The following FAM78B variants were observed in gnomAD, a reference collection of about 807,000 sequenced individuals.
The protein encoded by FAM78B is family with sequence similarity 78 member B.
A neutral mutation model predicts 20.0 loss-of-function variants in FAM78B; 10 were observed. That is an observed-to-expected ratio of 0.50 (90% CI 0.31 to 0.85). The LOEUF (loss-of-function observed/expected upper bound fraction) is 0.85, where lower values mean the gene tolerates loss of function less well. Among genes scored for constraint, FAM78B ranks in the 40% least tolerant of loss-of-function variants. The probability of loss-of-function intolerance (pLI) is 0.05; values close to 1 mark genes in which losing one functional copy is unlikely to be tolerated. For synonymous variants in FAM78B, 135 were observed against 132.8 expected, an observed-to-expected ratio of 1.02 and a Z score of -0.12; for missense variants, 283 against 345.0, an observed-to-expected ratio of 0.82 and a Z score of 1.42.
chr1:166,137,971 T>C (rs981014191), intron 1 of FAM78B, among the ~76,000 whole-genome samples: 27 of 152,290 alleles, frequency 1.8e-4, no homozygotes, highest in Admixed American at 4.6e-4. Flanking sequence ...ACAGAGCAGG[T>C]GGCTGGAGGC....
In FAM78B at chr1:166,070,033, T is replaced by C; in HGVS notation, c.*208A>G. 2 of 1,248,406 alleles carry C rather than the reference T, an allele frequency of 1.6e-6. No individual in the cohort carries two copies. The highest frequency in any genetic ancestry group is 2.0e-6 in the Non-Finnish European group (2 of 994,214). The allele number at this position is 1,248,406 out of a possible 1,614,324, so 77.3% of individuals were successfully genotyped here. A position where few individuals can be genotyped will look rare whatever the true frequency, so the allele number is the denominator to read the frequency against. On this transcript the variant is annotated 3_prime_UTR_variant, in exon 2 of 2. Transcript: ENST00000354422. ...CAGCAAGTCTGTCAAATCAGTGATT[T>C]CTTTATTCCTAAGAGGAAGGGATTT...
intron 1 of FAM78B, among the ~76,000 whole-genome samples, chr1:166,164,202 T>C (rs1369032470): frequency 2.0e-5 from 3 of 152,250 alleles, no homozygotes; most frequent in Non-Finnish European, 4.4e-5. Context: ...TGAGGCTGCT[T>C]CTGCACAGTC....
In FAM78B at chr1:166,100,762, G is replaced by C. The variant is rs1197414206; in HGVS notation, c.264-29999C>G. On this transcript the variant is annotated intron_variant, in intron 1 of 1. Coordinates refer to ENST00000354422, the MANE Select transcript of FAM78B (RefSeq NM_001017961.5). The stretch of plus-strand genomic sequence containing the variant: ...GCCTGCCTCTGTAGATTCCACCTCT[G>C]GGAGCAGGGCATAGCCAAACAAAAG... Among the ~76,000 whole-genome samples the C allele has an allele frequency of 3.3e-5, 5 of 152,360 alleles. No homozygotes were observed. The East Asian group carries it at 7.7e-4, about 24-fold the overall frequency.
chr1:166,166,211 A>C lies in FAM78B; in HGVS notation c.38T>G (p.Ile13Ser). 6 of 1,568,524 alleles carry C rather than the reference A, an allele frequency of 3.8e-6. No homozygotes were observed. Among genetic ancestry groups the C allele is most frequent in the Non-Finnish European group, 5.2e-6 (6 of 1,155,670 alleles). Residue 13 changes from isoleucine to serine, a missense_variant, in exon 1 of 2, where the codon ATC becomes AGC. Ile to Ser is a moderately radical substitution (Grantham distance 142). Coordinates refer to ENST00000354422, the MANE Select transcript of FAM78B (RefSeq NM_001017961.5). ...GTACACCACGATGTTCTCGCGCCGG[A>C]TCCGCGCCTTGCAGGTGATGCTTTG... ...CIQSITCKAR[I>S]RRENIVVYDV... is the part of the protein sequence containing the mutation.
rs986991987 is a variant in FAM78B at position 166,166,292 on chromosome 1, G to C, written c.-44C>G. ...CACGGCGCGGCGTGGGGCAGCGCGG[G>C]GGCCCGCGCGGGCAGCCGGGGGCGC... On this transcript the variant is annotated 5_prime_UTR_variant, in exon 1 of 2. Coordinates refer to ENST00000354422, the MANE Select transcript of FAM78B (RefSeq NM_001017961.5). 41 of 1,196,010 alleles carry C rather than the reference G, an allele frequency of 3.4e-5. No individual in the cohort carries two copies. The Admixed American group carries it at 8.1e-4, about 24-fold the overall frequency. The allele number at this position is 1,196,010 out of a possible 1,614,324, so 74.1% of individuals were successfully genotyped here.
At chr1:166,081,855 AGGT>A (rs982999338) in intron 1 of FAM78B, among the ~76,000 whole-genome samples, 3 of 152,208 alleles carry the variant, frequency 2.0e-5, no homozygotes, top group Non-Finnish European at 2.9e-5. Flanking sequence ...GCAGCATTCC[AGGT>A]GGCGAGCACA....
intron 1 of FAM78B, among the ~76,000 whole-genome samples, chr1:166,072,234 G>A (rs925697399): frequency 1.3e-5 from 2 of 152,116 alleles, no homozygotes; most frequent in African/African-American, 4.8e-5. Context: ...ACTAACCACT[G>A]CCTCCTACTG....
At chr1:166,115,425 G>A (rs1557905507) in intron 1 of FAM78B, among the ~76,000 whole-genome samples, 1 of 152,240 alleles carries the variant, frequency 6.6e-6, no homozygotes, top group Non-Finnish European at 1.5e-5. Flanking sequence ...TGACCAGAGA[G>A]TGCTTTGTGC....
chr1:166,097,212 T>C (rs535177287), intron 1 of FAM78B, among the ~76,000 whole-genome samples: 1 of 152,338 alleles, frequency 6.6e-6, no homozygotes, highest in South Asian at 2.1e-4. Context: ...AGAAAGGCCC[T>C]GGGAGCTTGC....
intron 1 of FAM78B, among the ~76,000 whole-genome samples, chr1:166,132,689 A>G (rs1036957382): frequency 6.6e-6 from 1 of 152,158 alleles, no homozygotes; most frequent in Non-Finnish European, 1.5e-5. Context: ...TCATGTTAGG[A>G]TGAAGTCACC....
rs983859776 is a variant in FAM78B at position 166,119,894 on chromosome 1, A to C, written c.263+46092T>G. On this transcript the variant is annotated intron_variant, in intron 1 of 1. Transcript: ENST00000354422. ...AGCTCAGACACACGCCTGAATTTCA[A>C]GGGTGACATTTCCAGCCACAAGAGG... is the stretch of plus-strand genomic sequence containing the variant. Among the ~76,000 whole-genome samples, 33 of 152,220 alleles carry C rather than the reference A, an allele frequency of 2.2e-4. 1 individual carries two copies. The highest frequency in any genetic ancestry group is 2.2e-3 in the Admixed American group (33 of 15,280).
intron 1 of FAM78B, 56 bp downstream of exon 1, chr1:166,165,930 G>A: frequency 5.0e-6 from 8 of 1,608,182 alleles, no homozygotes; most frequent in East Asian, 2.2e-5. Flanking sequence ...GGTCAAGGTG[G>A]CAAGCAGAGC....
intron 1 of FAM78B, among the ~76,000 whole-genome samples, chr1:166,132,481 T>C (rs2101780349): frequency 6.6e-6 from 1 of 152,314 alleles, no homozygotes; most frequent in South Asian, 2.1e-4. Context: ...GTGAGATGTT[T>C]GTGAAGTGCA....
chr1:166,085,953 A>C (rs1055377632), intron 1 of FAM78B, among the ~76,000 whole-genome samples: 1 of 152,178 alleles, frequency 6.6e-6, no homozygotes, highest in Non-Finnish European at 1.5e-5. Context: ...CAGGAATCTC[A>C]AATGTCAGGT....
chr1:166,137,013 G>T (rs1467028019), intron 1 of FAM78B, among the ~76,000 whole-genome samples: 3 of 152,190 alleles, frequency 2.0e-5, no homozygotes, highest in African/African-American at 7.2e-5. Context: ...AAGAGAAGGG[G>T]CCTGAACCTA....
At chr1:166,105,140 C>A (rs1190234996) in intron 1 of FAM78B, among the ~76,000 whole-genome samples, 2 of 152,162 alleles carry the variant, frequency 1.3e-5, no homozygotes, top group Non-Finnish European at 2.9e-5. Context: ...GCTGGGAAAA[C>A]TGGCTAGCCA....
At chr1:166,109,890 G>GTATATATGTATGTGTATATATATATATA (rs1557903394) in intron 1 of FAM78B, among the ~76,000 whole-genome samples, 2 of 23,192 alleles carry the variant, frequency 8.6e-5, no homozygotes, top group Non-Finnish European at 1.1e-4. Flanking sequence ...ATGTATATAT[G>GTATATATGTATGTGTATATATATATATA]TATATATATA....
rs1417265808 is a variant in FAM78B, at chr1:166,157,040, G to T, written c.263+8946C>A. The stretch of plus-strand genomic sequence containing the variant: ...ATGACGTCAAGGGGGCGGCGGAGGG[G>T]GGGGGGGGGCTCCAATGCCTTCCTC... On this transcript the variant is annotated intron_variant, in intron 1 of 1. Transcript: ENST00000354422. Among the ~76,000 whole-genome samples, 117 of 108,768 alleles carry T rather than the reference G, an allele frequency of 1.1e-3. 14 individuals carry two copies. Among genetic ancestry groups the T allele is most frequent in the African/African-American group, 3.2e-3 (106 of 33,088 alleles). The allele number at this position is 108,768 out of a possible 152,430, so 71.4% of individuals were successfully genotyped here. A position where few individuals can be genotyped will look rare whatever the true frequency, so the allele number is the denominator to read the frequency against.
chr1:166,165,095 A>T (rs868832692), intron 1 of FAM78B: 2 of 152,226 alleles, frequency 1.3e-5, no homozygotes, highest in East Asian at 1.9e-4. Flanking sequence ...TCACCGCAGC[A>T]GCCAAGCCCG....
Sources: gnomAD v4.1 joint callset for allele counts (sites outside exome capture counted in the v4.1 genomes callset) on GRCh38, gnomAD v4.1.1 for gene constraint, MANE v1.5 for transcripts, NCBI Gene and HGNC (gene_info 2026-07-23, HGNC 2026-07-21) for gene names.